Variants in PTPRM observed in about 807,000 individuals in gnomAD.
PTPRM encodes the protein protein tyrosine phosphatase receptor type M, also known as receptor-type tyrosine-protein phosphatase mu.
A neutral mutation model predicts 186.7 loss-of-function variants in PTPRM; 47 were observed. The ratio of observed to expected loss-of-function variants is 0.25; its 90% confidence interval spans 0.20 to 0.32. The LOEUF (loss-of-function observed/expected upper bound fraction) is 0.32, where lower values mean the gene tolerates loss of function less well. PTPRM is among the 10% of genes least tolerant of loss of function. The pLI, the probability that PTPRM is intolerant of heterozygous loss-of-function variation, is 1.00. For synonymous variants in PTPRM, 668 were observed against 674.9 expected (o/e 0.99, Z 0.16); for missense variants, 1,494 against 1,865.0 (o/e 0.80, Z 3.66).
chr18:7,881,569 C>T (rs553039315), intron 2 of PTPRM, among the ~76,000 whole-genome samples: 4 of 152,306 alleles, frequency 2.6e-5, no homozygotes, highest in South Asian at 2.1e-4. Context: ...TGGCCCTATC[C>T]GATGCTTTCA....
intron 7 of PTPRM, among the ~76,000 whole-genome samples, chr18:8,005,172 C>T (rs772328584): frequency 2.6e-5 from 4 of 152,222 alleles, no homozygotes; most frequent in Non-Finnish European, 2.9e-5. Flanking sequence ...GGCAGGGCAA[C>T]GAAACTGTAG....
intron 2 of PTPRM, among the ~76,000 whole-genome samples, chr18:7,807,836 T>G (rs1233189916): frequency 2.0e-5 from 3 of 152,208 alleles, no homozygotes; most frequent in Non-Finnish European, 4.4e-5. Flanking sequence ...TCATAATAAT[T>G]GACGCAGTGT....
chr18:7,846,869 A>G (rs768178879), intron 2 of PTPRM, among the ~76,000 whole-genome samples: 3 of 152,052 alleles, frequency 2.0e-5, no homozygotes, highest in Non-Finnish European at 4.4e-5. Context: ...CTTCCTCTTC[A>G]GTGTTCTTGC....
intron 19 of PTPRM, among the ~76,000 whole-genome samples, chr18:8,289,423 C>CGTATATATAT (rs1238151733): frequency 9.6e-6 from 1 of 103,842 alleles, no homozygotes; most frequent in Non-Finnish European, 1.9e-5. Context: ...CACATATATA[C>CGTATATATAT]GTATATATAT....
In PTPRM at chr18:8,349,258, G is replaced by A. The variant is rs531247989; in HGVS notation, c.3054+5738G>A. On this transcript the variant is annotated intron_variant, in intron 23 of 32. Coordinates refer to ENST00000580170, the MANE Select transcript of PTPRM (RefSeq NM_001105244.2). ...TTTTATAAAAAGTGTGGAAATACTG[G>A]TTAATTATAAGAATAAAAATATTAG... is the stretch of plus-strand genomic sequence containing the variant. Among the ~76,000 whole-genome samples, 4 of 152,302 alleles carry A rather than the reference G, an allele frequency of 2.6e-5. No individual in the cohort carries two copies. The South Asian group carries it at 8.3e-4, about 32-fold the overall frequency.
intron 11 of PTPRM, among the ~76,000 whole-genome samples, chr18:8,091,057 A>G (rs1470189378): frequency 6.6e-6 from 1 of 151,860 alleles, no homozygotes; most frequent in African/African-American, 2.4e-5. Context: ...TTACTTTTAC[A>G]CATGTCTAGT....
chr18:8,238,590 G>A (rs78255523), intron 14 of PTPRM, among the ~76,000 whole-genome samples: 2,367 of 145,708 alleles, frequency 0.016, 62 homozygotes, highest in African/African-American at 0.056. Flanking sequence ...TAATTCCAAC[G>A]CCTCTGCCAT....
Position 8,085,770 on chromosome 18 carries a change from T to G in PTPRM, c.1651T>G (p.Phe551Val). 6.2e-7 allele frequency: 1 copy of G among 1,613,406 alleles called. No individual in the cohort carries two copies. The highest frequency in any genetic ancestry group is 8.5e-7 in the Non-Finnish European group (1 of 1,179,476). The change falls in exon 10 of 33, where the codon TTT becomes GTT. Residue 551 changes from phenylalanine (F) to valine (V), a missense_variant. By Grantham distance (50) the Phe-to-Val change is conservative (BLOSUM62 -1). This residue lies in a region of PTPRM where 1,107 missense variants were observed against 1,350.2 expected (regional missense o/e 0.82). Coordinates refer to ENST00000580170, the MANE Select transcript of PTPRM (RefSeq NM_001105244.2). The part of the protein sequence containing the change: ...KLGNETHFLF[F>V]GLYPGTTYSF... Reference sequence around the variant, plus strand: ...GGGAAATGAAACCCATTTTCTGTTTTTTGGACTGTATCCGGGGACCACATA... The same window carrying G: ...GGGAAATGAAACCCATTTTCTGTTTGTTGGACTGTATCCGGGGACCACATA...
chr18:7,601,729 G>A (rs1046179766), intron 1 of PTPRM, among the ~76,000 whole-genome samples: 1 of 152,170 alleles, frequency 6.6e-6, no homozygotes, highest in Non-Finnish European at 1.5e-5. Flanking sequence ...TATCAAGTAA[G>A]GTAGCATTTT....
rs145178508 is a variant in PTPRM at position 7,900,537 on chromosome 18, A to C, written c.469-5968A>C. On this transcript the variant is annotated intron_variant, in intron 3 of 32. Coordinates refer to ENST00000580170, the MANE Select transcript of PTPRM (RefSeq NM_001105244.2). ...AATTTTAGAACCTGTGTATCTATAC[A>C]TTAAAAGGTGTGTGTGTGTGTGTGT... Among the ~76,000 whole-genome samples the C allele has an allele frequency of 1.3e-3, 197 of 152,210 alleles. 1 individual carries two copies. Among genetic ancestry groups the C allele is most frequent in the African/African-American group, 4.7e-3 (194 of 41,500 alleles).
At chr18:8,168,399 A>C (rs2093352952) in intron 14 of PTPRM, among the ~76,000 whole-genome samples, 1 of 152,200 alleles carries the variant, frequency 6.6e-6, no homozygotes, top group Non-Finnish European at 1.5e-5. Context: ...ATATGCTTTG[A>C]AATATCATCA....
At chr18:7,856,971 G>A (rs1384911867) in intron 2 of PTPRM, among the ~76,000 whole-genome samples, 3 of 152,130 alleles carry the variant, frequency 2.0e-5, no homozygotes, top group Admixed American at 6.5e-5. Context: ...TCTTGCCCTC[G>A]CTCCTGAAAC....
chr18:7,938,218 A>C (rs2051949584), intron 5 of PTPRM, among the ~76,000 whole-genome samples: 1 of 152,176 alleles, frequency 6.6e-6, no homozygotes, highest in Non-Finnish European at 1.5e-5. Context: ...CATACTGACA[A>C]TTCCTATGCA....
At chr18:8,289,573 T>C (rs56105743) in intron 19 of PTPRM, among the ~76,000 whole-genome samples, 48,685 of 110,044 alleles carry the variant, frequency 0.44, 11,732 homozygotes, top group Middle Eastern at 0.52. Flanking sequence ...CATATATATA[T>C]ATACATATAT....
chr18:7,763,392 T>G (rs2041871050), intron 1 of PTPRM, among the ~76,000 whole-genome samples: 1 of 152,212 alleles, frequency 6.6e-6, no homozygotes, highest in Admixed American at 6.5e-5. Flanking sequence ...CTGGACTAAA[T>G]GTATGATTTC....
At chr18:7,739,163 C>G (rs2040837902) in intron 1 of PTPRM, among the ~76,000 whole-genome samples, 2 of 151,902 alleles carry the variant, frequency 1.3e-5, no homozygotes, top group Non-Finnish European at 2.9e-5. Context: ...CTAATTTTCG[C>G]TCACCTCATG....
chr18:7,657,749 A>G (rs551285390), intron 1 of PTPRM, among the ~76,000 whole-genome samples: 1 of 152,360 alleles, frequency 6.6e-6, no homozygotes, highest in South Asian at 2.1e-4. Context: ...CAGTGAAATG[A>G]AAAGGTGTTG....
At chr18:8,095,594 G>A (rs929286584) in intron 11 of PTPRM, among the ~76,000 whole-genome samples, 1 of 152,068 alleles carries the variant, frequency 6.6e-6, no homozygotes, top group African/African-American at 2.4e-5. Flanking sequence ...CAGCAATGGA[G>A]GATGGGTTAG....
chr18:7,805,907 T>G (rs549801113), intron 2 of PTPRM, among the ~76,000 whole-genome samples: 51 of 152,338 alleles, frequency 3.3e-4, no homozygotes, highest in African/African-American at 1.2e-3. Flanking sequence ...AAAAGTATTT[T>G]AAGAATACGT....
Sources: allele counts gnomAD v4.1 joint callset (sites outside exome capture counted in the v4.1 genomes callset), GRCh38; gene constraint gnomAD v4.1.1; regional missense constraint gnomAD v4.1.1; transcripts MANE v1.5; gene names NCBI Gene and HGNC (gene_info 2026-07-23, HGNC 2026-07-21).